The following EPHA6 variants were observed in gnomAD, a reference collection of about 807,000 sequenced individuals.
EPHA6 encodes the protein ephrin type-A receptor 6.
EPHA6 carries 50 observed loss-of-function variants against 112.0 expected under a neutral mutation model. The observed-to-expected ratio is 0.45, with a 90% confidence interval of 0.36 to 0.56. The LOEUF is 0.56. Ranked by LOEUF, EPHA6 falls within the 20% of genes least tolerant of loss-of-function variation. EPHA6 has a pLI of 0.00. For missense variants in EPHA6, 1,280 were observed against 1,417.4 expected, an observed-to-expected ratio of 0.90 and a Z score of 1.56; for synonymous variants, 529 against 490.7, an observed-to-expected ratio of 1.08 and a Z score of -1.03.
chr3:96,904,926 T>G (rs934250452), intron 2 of EPHA6, among the ~76,000 whole-genome samples: 3 of 152,150 alleles, frequency 2.0e-5, no homozygotes, highest in African/African-American at 7.2e-5. Flanking sequence ...TAAAGGACCT[T>G]GAAGCTAGCA....
chr3:96,838,127 C>CT (rs2034528218), intron 1 of EPHA6, among the ~76,000 whole-genome samples: 1 of 151,652 alleles, frequency 6.6e-6, no homozygotes, highest in African/African-American at 2.4e-5. Context: ...TCAGCTCCCA[C>CT]TTATAAGTGA....
chr3:96,963,463 CTGG>C (rs2042016650), intron 2 of EPHA6, among the ~76,000 whole-genome samples: 1 of 152,136 alleles, frequency 6.6e-6, no homozygotes, highest in Non-Finnish European at 1.5e-5. Context: ...GACTTTGTTA[CTGG>C]GTCAACTGTC....
At chr3:96,927,135 G>T (rs1277030643) in intron 2 of EPHA6, among the ~76,000 whole-genome samples, 1 of 152,216 alleles carries the variant, frequency 6.6e-6, no homozygotes, top group Non-Finnish European at 1.5e-5. Flanking sequence ...ATGTAAGCCG[G>T]CAAGGCTTGG....
intron 5 of EPHA6, among the ~76,000 whole-genome samples, chr3:97,248,759 C>T (rs1640482247): frequency 6.6e-6 from 1 of 152,050 alleles, no homozygotes; most frequent in Non-Finnish European, 1.5e-5. Flanking sequence ...ACTAATTAAA[C>T]TGACATTGAA....
chr3:97,201,690 T>G (rs1015278553), intron 3 of EPHA6, among the ~76,000 whole-genome samples: 3 of 152,156 alleles, frequency 2.0e-5, no homozygotes, highest in Non-Finnish European at 4.4e-5. Flanking sequence ...ATATTGTAAT[T>G]GCAGTGCTTG....
rs1382517909 is a variant in EPHA6, at chr3:97,760,202, T to A, written c.*11501T>A. On this transcript the variant is annotated 3_prime_UTR_variant, in exon 18 of 18. Coordinates refer to ENST00000389672, the MANE Select transcript of EPHA6 (RefSeq NM_001080448.3). The stretch of plus-strand genomic sequence containing the variant: ...AATCTTTTAGTAAAAATTATTTTGT[T>A]TTCATATAGGAAAACAATGCCTTCT... 2 of 180,728 alleles carry A rather than the reference T, an allele frequency of 1.1e-5. No homozygotes were observed. The highest frequency in any genetic ancestry group is 1.3e-4 in the Admixed American group (2 of 15,856). The allele number at this position is 180,728 out of a possible 1,614,324, so 11.2% of individuals were successfully genotyped here. A position where few individuals can be genotyped will look rare whatever the true frequency, so the allele number is the denominator to read the frequency against.
At chr3:96,888,051 C>A (rs943092412) in intron 2 of EPHA6, among the ~76,000 whole-genome samples, 1 of 152,106 alleles carries the variant, frequency 6.6e-6, no homozygotes, top group Non-Finnish European at 1.5e-5. Context: ...TTTGACTCTT[C>A]CCCCACCTGT....
chr3:97,220,651 A>C (rs2078167498), intron 3 of EPHA6, among the ~76,000 whole-genome samples: 1 of 152,202 alleles, frequency 6.6e-6, no homozygotes, highest in Non-Finnish European at 1.5e-5. Context: ...TATCACAAGG[A>C]CAGCATGGGG....
chr3:97,249,057 A>G (rs1170821515), intron 5 of EPHA6, among the ~76,000 whole-genome samples: 3 of 152,132 alleles, frequency 2.0e-5, no homozygotes, highest in African/African-American at 7.2e-5. Flanking sequence ...AAAAAAAAAA[A>G]AAGTGTGGAA....
chr3:97,249,336 T>C (rs925926552), intron 5 of EPHA6, among the ~76,000 whole-genome samples: 1 of 152,176 alleles, frequency 6.6e-6, no homozygotes, highest in African/African-American at 2.4e-5. Flanking sequence ...AACTGGCTAA[T>C]CATTACTAAA....
chr3:97,593,523 T>C (rs1173628505), intron 12 of EPHA6, among the ~76,000 whole-genome samples: 5 of 152,192 alleles, frequency 3.3e-5, no homozygotes, highest in African/African-American at 1.2e-4. Flanking sequence ...ATTCTTGTGA[T>C]TTTTATTATA....
chr3:97,178,832 G>C (rs777662996), intron 3 of EPHA6, among the ~76,000 whole-genome samples: 2 of 151,986 alleles, frequency 1.3e-5, no homozygotes, highest in African/African-American at 4.8e-5. Context: ...TAGTCTTTGG[G>C]TTAAATCTGC....
chr3:96,865,752 A>C, intron 1 of EPHA6, among the ~76,000 whole-genome samples: 1 of 151,770 alleles, frequency 6.6e-6, no homozygotes, highest in African/African-American at 2.4e-5. Context: ...AAGATGAAAA[A>C]CCAAAATTAA....
intron 3 of EPHA6, among the ~76,000 whole-genome samples, chr3:97,084,125 G>GAT (rs747964175): frequency 0.084 from 7,790 of 92,430 alleles, 292 homozygotes; most frequent in Middle Eastern, 0.15. Flanking sequence ...TATATATATG[G>GAT]ATATATATCC....
At chr3:97,279,499 T>TA (rs1365124866) in intron 5 of EPHA6, among the ~76,000 whole-genome samples, 6 of 150,486 alleles carry the variant, frequency 4.0e-5, no homozygotes, top group Admixed American at 2.0e-4. Context: ...GGAAATCTAT[T>TA]TAAAAAAAAA....
intron 11 of EPHA6, among the ~76,000 whole-genome samples, chr3:97,538,016 G>A (rs2092787651): frequency 6.6e-6 from 1 of 152,176 alleles, no homozygotes; most frequent in Non-Finnish European, 1.5e-5. Flanking sequence ...CCATGCCTAG[G>A]TGTGATAGAA....
chr3:97,137,076 A>T (rs2075786225), intron 3 of EPHA6, among the ~76,000 whole-genome samples: 2 of 152,226 alleles, frequency 1.3e-5, no homozygotes, highest in Admixed American at 6.5e-5. Context: ...TAAAAAAATT[A>T]AAAAACAGAA....
At chr3:97,453,103 A>G (rs1016499162) in intron 7 of EPHA6, among the ~76,000 whole-genome samples, 1 of 151,786 alleles carries the variant, frequency 6.6e-6, no homozygotes, top group Non-Finnish European at 1.5e-5. Context: ...ATTAAATTCC[A>G]TATATATAGT....
chr3:97,055,858 G>A (rs1314868594), intron 3 of EPHA6, among the ~76,000 whole-genome samples: 3 of 152,030 alleles, frequency 2.0e-5, no homozygotes, highest in Non-Finnish European at 4.4e-5. Flanking sequence ...ATAGCAAAGG[G>A]CAAGCATAGG....
Sources: gnomAD v4.1 joint callset for allele counts (sites outside exome capture counted in the v4.1 genomes callset) on GRCh38, gnomAD v4.1.1 for gene constraint, MANE v1.5 for transcripts, NCBI Gene and HGNC (gene_info 2026-07-23, HGNC 2026-07-21) for gene names.